ELF1: variants seen among roughly 807,000 people sequenced by gnomAD.
ELF1 encodes ETS-related transcription factor Elf-1.
Under a neutral mutation model 59.9 loss-of-function variants are expected in ELF1, and 24 were observed. The observed-to-expected ratio is 0.40, with a 90% CI of 0.29 to 0.56. The LOEUF (loss-of-function observed/expected upper bound fraction) is 0.56, where lower values mean the gene tolerates loss of function less well. Ranked by LOEUF, ELF1 falls within the 20% of genes least tolerant of loss-of-function variation. The pLI is 0.44. For synonymous variants in ELF1, 248 were observed against 266.2 expected (o/e 0.93, Z 0.67); for missense variants, 627 against 742.2 (o/e 0.84, Z 1.80).
chr13:40,933,723 C>T lies in ELF1; in HGVS notation c.1562G>A (p.Ser521Asn), dbSNP rs1014836006. Residue 521 changes from serine to asparagine, a missense_variant, in exon 9 of 9, where the codon AGT (serine) becomes AAT (asparagine). Around this residue, in one of 3 missense-constraint regions of ELF1, gnomAD observed 361 missense variants for 396.1 expected, o/e 0.91. Coordinates refer to ENST00000239882, the MANE Select transcript of ELF1 (RefSeq NM_172373.4). ...ACTGAAGGATGGAGAGGAAGCCACA[C>T]TGACGGTTCCATTGCAAATGGTCTG... ...NVQTICNGTV[S>N]VASSPSFSAT... The T allele has an allele frequency of 6.2e-7, 1 of 1,614,164 alleles. No individual in the cohort carries two copies. The highest frequency in any genetic ancestry group is 8.5e-7 in the Non-Finnish European group (1 of 1,180,064).
chr13:40,985,157 T>C (rs1216523466), intron 1 of ELF1, among the ~76,000 whole-genome samples: 1 of 152,244 alleles, frequency 6.6e-6, no homozygotes, highest in African/African-American at 2.4e-5. Context: ...ATCATGTCTT[T>C]GATTCTCTGT....
At chr13:41,056,870 CA>C (rs927576444) in intron 1 of ELF1, among the ~76,000 whole-genome samples, 1 of 152,008 alleles carries the variant, frequency 6.6e-6, no homozygotes, top group African/African-American at 2.4e-5. Context: ...TGCAGAGCTA[CA>C]GGGGGAATAT....
At chr13:41,001,891 T>C (rs1282925483) in intron 1 of ELF1, among the ~76,000 whole-genome samples, 4 of 151,670 alleles carry the variant, frequency 2.6e-5, no homozygotes, top group East Asian at 1.9e-4. Context: ...AAAATGGGGA[T>C]TGTCAGGCAA....
chr13:41,021,935 C>T (rs949583835), upstream of ELF1, among the ~76,000 whole-genome samples: 2 of 152,098 alleles, frequency 1.3e-5, no homozygotes, highest in East Asian at 1.9e-4. Context: ...GAACATGGAG[C>T]GACTACAACT....
At chr13:41,042,237 C>G (rs945021637) in intron 1 of ELF1, among the ~76,000 whole-genome samples, 1 of 152,062 alleles carries the variant, frequency 6.6e-6, no homozygotes, top group East Asian at 1.9e-4. Context: ...ACAGTTTTAA[C>G]TCCTGACCTC....
At chr13:41,033,460 T>C (rs1876251908) in intron 1 of ELF1, among the ~76,000 whole-genome samples, 1 of 152,212 alleles carries the variant, frequency 6.6e-6, no homozygotes, top group Non-Finnish European at 1.5e-5. Context: ...AAAATGGAGC[T>C]AACTATTGAT....
At chr13:40,993,402 CG>C in intron 1 of ELF1, 1 of 765,638 alleles carries the variant, frequency 1.3e-6, no homozygotes. Flanking sequence ...CTGGGGGGAG[CG>C]GGGCTGGGCG....
At chr13:41,032,849 T>TA (rs56310760) in intron 1 of ELF1, among the ~76,000 whole-genome samples, 6 of 135,444 alleles carry the variant, frequency 4.4e-5, no homozygotes, top group African/African-American at 5.4e-5. Context: ...ACCTTGTTTC[T>TA]AAAAAAAAAA....
At chr13:41,003,035 T>C (rs527285035) in intron 1 of ELF1, among the ~76,000 whole-genome samples, 6 of 152,302 alleles carry the variant, frequency 3.9e-5, no homozygotes, top group African/African-American at 1.4e-4. Context: ...TTACTAAAAT[T>C]CTTCATTAAA....
intron 1 of ELF1, among the ~76,000 whole-genome samples, chr13:41,054,832 G>A (rs1877227457): frequency 6.6e-6 from 1 of 152,272 alleles, no homozygotes; most frequent in South Asian, 2.1e-4. Context: ...CAACCTGCAC[G>A]TTACTACCAA....
At chr13:41,055,202 G>A (rs1215386338) in intron 1 of ELF1, among the ~76,000 whole-genome samples, 2 of 152,050 alleles carry the variant, frequency 1.3e-5, no homozygotes, top group Admixed American at 1.3e-4. Flanking sequence ...TCCTAAGTAT[G>A]AGCCATTGGA....
At chr13:40,943,617 G>T (rs1035309350) in intron 6 of ELF1, among the ~76,000 whole-genome samples, 1 of 152,132 alleles carries the variant, frequency 6.6e-6, no homozygotes, top group South Asian at 2.1e-4. Context: ...TTTATTAAAT[G>T]AAAAGAATAG....
intron 1 of ELF1, 31 bp downstream of exon 1, chr13:41,019,197 G>A (rs1321462080): frequency 1.0e-6 from 1 of 985,288 alleles, no homozygotes; most frequent in Non-Finnish European, 1.2e-6. Flanking sequence ...GAAAAAGCCA[G>A]AAGCAAACAT....
At chr13:40,947,385 T>C (rs1049036896) in intron 5 of ELF1, among the ~76,000 whole-genome samples, 1 of 152,118 alleles carries the variant, frequency 6.6e-6, no homozygotes, top group Non-Finnish European at 1.5e-5. Context: ...CTACTAAAAA[T>C]ACAAAAATCA....
At chr13:40,936,760 CA>C (rs368388366) in intron 8 of ELF1, among the ~76,000 whole-genome samples, 823 of 77,120 alleles carry the variant, frequency 0.011, 5 homozygotes, top group East Asian at 0.06. Context: ...GACTCCGTCT[CA>C]AAAAAAAAAA....
intron 3 of ELF1, among the ~76,000 whole-genome samples, chr13:40,955,744 C>T (rs1279817975): frequency 2.3e-4 from 28 of 123,330 alleles, no homozygotes; most frequent in African/African-American, 4.0e-4. Flanking sequence ...GCCCCCCGCC[C>T]GGCCAGCCGC....
At chr13:40,938,769 G>A (rs1199413280) in intron 8 of ELF1, among the ~76,000 whole-genome samples, 1 of 150,286 alleles carries the variant, frequency 6.7e-6, no homozygotes, top group Non-Finnish European at 1.5e-5. Flanking sequence ...TCAACCACAG[G>A]GAAAAAAGTT....
intron 1 of ELF1, among the ~76,000 whole-genome samples, chr13:41,025,395 G>A (rs1157022597): frequency 1.3e-5 from 2 of 152,288 alleles, no homozygotes; most frequent in Admixed American, 6.5e-5. Flanking sequence ...GGTTATCGCA[G>A]AACTGAAAGA....
intron 1 of ELF1, among the ~76,000 whole-genome samples, chr13:40,995,978 A>G (rs1187840688): frequency 6.6e-6 from 1 of 152,176 alleles, no homozygotes; most frequent in Non-Finnish European, 1.5e-5. Flanking sequence ...ACCTCTCAAA[A>G]CTCAGAGAAA....
Sources: gnomAD v4.1 joint callset for allele counts (sites outside exome capture counted in the v4.1 genomes callset) on GRCh38, gnomAD v4.1.1 for gene constraint, gnomAD v4.1.1 regional missense constraint, MANE v1.5 for transcripts, NCBI Gene and HGNC (gene_info 2026-07-23, HGNC 2026-07-21) for gene names.